Variants in PXYLP1 observed in about 807,000 individuals in gnomAD.
PXYLP1 encodes 2-phosphoxylose phosphatase 1, also known as acid phosphatase-like 2.
Under a neutral mutation model 37.9 loss-of-function variants are expected in PXYLP1, and 17 were observed. The ratio of observed to expected loss-of-function variants is 0.45; its 90% CI spans 0.31 to 0.67. The LOEUF is 0.67. PXYLP1 is among the 30% of genes least tolerant of loss of function. The pLI is 0.07. For missense variants in PXYLP1, 511 were observed against 612.0 expected, an observed-to-expected ratio of 0.84 and a Z score of 1.74; for synonymous variants, 221 against 232.2, an observed-to-expected ratio of 0.95 and a Z score of 0.44.
chr3:141,278,261 A>C, intron 2 of PXYLP1, 81 bp from the exon 3 acceptor site: 15 of 1,512,178 alleles, frequency 9.9e-6, no homozygotes, highest in Non-Finnish European at 1.4e-5. Flanking sequence ...CCTCAAAGTG[A>C]AATCCAGCCC....
chr3:141,242,364 A>G (rs1481559571), intron 1 of PXYLP1, among the ~76,000 whole-genome samples: 1 of 152,212 alleles, frequency 6.6e-6, no homozygotes, highest in East Asian at 1.9e-4. Flanking sequence ...CATGTCCCAT[A>G]TAAGGCAGGA....
chr3:141,239,897 T>C (rs900854114), intron 1 of PXYLP1, among the ~76,000 whole-genome samples: 1 of 152,214 alleles, frequency 6.6e-6, no homozygotes, highest in East Asian at 1.9e-4. Context: ...CTGTAAAGCT[T>C]TGGCCTTTAG....
intron 1 of PXYLP1, among the ~76,000 whole-genome samples, chr3:141,244,320 TCTTTTTGACTTAA>T (rs776061392): frequency 3.3e-5 from 5 of 152,166 alleles, no homozygotes; most frequent in Non-Finnish European, 5.9e-5. Context: ...TTGTAGCTTG[TCTTTTTGACTTAA>T]CAATATAACG....
At chr3:141,290,475 T>TA (rs2148845008) in intron 5 of PXYLP1, among the ~76,000 whole-genome samples, 2 of 152,190 alleles carry the variant, frequency 1.3e-5, no homozygotes, top group South Asian at 4.1e-4. Flanking sequence ...CAGCAGCATA[T>TA]GGGAAGAGGA....
chr3:141,255,587 G>A (rs1941245933), intron 1 of PXYLP1, among the ~76,000 whole-genome samples: 1 of 152,210 alleles, frequency 6.6e-6, no homozygotes, highest in Non-Finnish European at 1.5e-5. Flanking sequence ...AGGCTGTGGG[G>A]GTCCCGCTCT....
intron 5 of PXYLP1, among the ~76,000 whole-genome samples, chr3:141,289,585 C>G (rs1942154965): frequency 6.6e-6 from 1 of 152,188 alleles, no homozygotes; most frequent in Admixed American, 6.5e-5. Context: ...TCAGGAATGA[C>G]TCACAGACTC....
At chr3:141,273,972 A>G (rs1403870289) in intron 2 of PXYLP1, 46 of 985,302 alleles carry the variant, frequency 4.7e-5, no homozygotes, top group Non-Finnish European at 5.5e-5. Flanking sequence ...CCTTCCATCT[A>G]TTTATCTGCC....
At chr3:141,237,362 A>G (rs900235493) in intron 1 of PXYLP1, among the ~76,000 whole-genome samples, 4 of 152,316 alleles carry the variant, frequency 2.6e-5, no homozygotes, top group African/African-American at 9.6e-5. Context: ...TGACTTCCTA[A>G]TACTAGAGTA....
At chr3:141,267,038 C>A (rs184922464) in intron 2 of PXYLP1, among the ~76,000 whole-genome samples, 2 of 152,010 alleles carry the variant, frequency 1.3e-5, no homozygotes, top group African/African-American at 4.8e-5. Context: ...TTTGTGGTTT[C>A]GACTCTTTGC....
chr3:141,278,226 C>G (rs1559893115), intron 2 of PXYLP1, 116 bp from the exon 3 acceptor site: 1 of 1,216,594 alleles, frequency 8.2e-7, no homozygotes, highest in African/African-American at 1.5e-5. Context: ...TGAAGTGCAC[C>G]TTGATTCTCA....
In PXYLP1 at chr3:141,292,527, A is replaced by G; in HGVS notation, c.765A>G (p.Glu255=). 1 of 1,614,218 alleles carries G rather than the reference A, an allele frequency of 6.2e-7. No homozygotes were observed. Among genetic ancestry groups the G allele is most frequent in the South Asian group, 1.1e-5 (1 of 91,084 alleles). The part of the protein sequence containing the change: ...CYCPVRNQYL[E]KEQRRQYLLR... ...GCCCGGTAAGAAACCAGTATCTGGA[A>G]AAGGAGCAGCGTCGTCAGTACCTCC... The change falls in exon 6 of 6, where the codon GAA becomes GAG. Residue 255 remains glutamate, a synonymous_variant. Transcript: ENST00000286353. The surrounding 1 kb of genome is among the most constrained non-coding windows in gnomAD (Gnocchi z 4.3).
At chr3:141,242,827 G>A (rs989261581) in intron 1 of PXYLP1, among the ~76,000 whole-genome samples, 1 of 152,198 alleles carries the variant, frequency 6.6e-6, no homozygotes, top group African/African-American at 2.4e-5. Context: ...CCCTGAGGCA[G>A]GCAGCAATAT....
chr3:141,237,436 G>C (rs1940687254), intron 1 of PXYLP1, among the ~76,000 whole-genome samples: 1 of 152,188 alleles, frequency 6.6e-6, no homozygotes, highest in African/African-American at 2.4e-5. Context: ...AGGCCAAACT[G>C]ACTTTAAACC....
At chr3:141,236,611 A>G (rs1456630366) in intron 1 of PXYLP1, among the ~76,000 whole-genome samples, 1 of 152,220 alleles carries the variant, frequency 6.6e-6, no homozygotes, top group African/African-American at 2.4e-5. Context: ...TCAGGCCTTC[A>G]GAGATCCAGC....
chr3:141,260,104 ACCT>A lies in PXYLP1; in HGVS notation c.-53-17_-53-15del. 6.4e-7 allele frequency: 1 copy of A among 1,572,730 alleles called. No individual in the cohort carries two copies. Among genetic ancestry groups the A allele is most frequent in the Non-Finnish European group, 8.7e-7 (1 of 1,146,630 alleles). ...CTCCACCTCTAAACACTCATTTATC[ACCT>A]CTGCTTTATTCACAGGACATGTTCC... is the stretch of plus-strand genomic sequence containing the variant. On this transcript the variant is annotated splice_polypyrimidine_tract_variant and intron_variant, in intron 1 of 5. Coordinates refer to ENST00000286353, the MANE Select transcript of PXYLP1 (RefSeq NM_001037172.3).
intron 1 of PXYLP1, chr3:141,234,960 A>T (rs1268743984): frequency 6.6e-6 from 1 of 152,244 alleles, no homozygotes; most frequent in Non-Finnish European, 1.5e-5. Context: ...GCAGTCTGTG[A>T]GTAAGAGAAA....
chr3:141,255,904 C>A (rs980876099), intron 1 of PXYLP1, among the ~76,000 whole-genome samples: 5 of 152,184 alleles, frequency 3.3e-5, no homozygotes, highest in African/African-American at 1.2e-4. Flanking sequence ...GAAGCTGAGG[C>A]AGATGTTCCA....
rs997043698 is a variant in PXYLP1 at position 141,293,150 on chromosome 3, C to T, written c.1388C>T (p.Ala463Val). 1.9e-6 allele frequency: 3 copies of T among 1,614,062 alleles called. No homozygotes were observed. Among genetic ancestry groups the T allele is most frequent in the South Asian group, 2.2e-5 (2 of 91,078 alleles). Residue 463 changes from alanine (A) to valine (V), a missense_variant, in exon 6 of 6, where the codon GCC becomes GTC. Physicochemically the swap from Ala to Val is moderately conservative, Grantham distance 64. Transcript: ENST00000286353. The part of the protein sequence containing the change: ...VRFVKRDMFV[A>V]LGGSGTNYYD... ...TTTGTGAAAAGGGACATGTTTGTAG[C>T]CCTGGGTGGCAGTGGTACAAATTAT... is the stretch of plus-strand genomic sequence containing the variant.
In PXYLP1 at chr3:141,287,431, G is replaced by A. The variant is rs114186332; in HGVS notation, c.483G>A (p.Glu161=). 4.2e-5 allele frequency: 68 copies of A among 1,614,128 alleles called. No homozygotes were observed. The East Asian group carries it at 1.5e-3, about 36-fold the overall frequency. Residue 161 remains glutamate, a synonymous_variant, in exon 5 of 6, where the codon GAG becomes GAA. Coordinates refer to ENST00000286353, the MANE Select transcript of PXYLP1 (RefSeq NM_001037172.3). ...TTTACCCAAATCACCCATTGTGTGA[G>A]ATGGGAGAGCTCACACAGACAGGTA... ...LPLYPNHPLC[E]MGELTQTGVV... is the part of the protein sequence containing the mutation.
Sources: allele counts gnomAD v4.1 joint callset (sites outside exome capture counted in the v4.1 genomes callset), GRCh38; gene constraint gnomAD v4.1.1; non-coding constraint Gnocchi (gnomAD v3.1); transcripts MANE v1.5; gene names NCBI Gene and HGNC (gene_info 2026-07-23, HGNC 2026-07-21).